PTGER4: variants seen among roughly 807,000 people sequenced by gnomAD.
PTGER4 encodes prostaglandin E2 receptor EP4 subtype.
A neutral mutation model predicts 33.2 loss-of-function variants in PTGER4; 11 were observed. That is an observed-to-expected ratio of 0.33 (90% CI 0.21 to 0.55). The LOEUF (loss-of-function observed/expected upper bound fraction) is 0.55. Among genes scored for constraint, PTGER4 ranks in the 20% least tolerant of loss-of-function variants. PTGER4 has a pLI of 0.92. For missense variants in PTGER4, 481 were observed against 650.2 expected, an observed-to-expected ratio of 0.74 and a Z score of 2.83; for synonymous variants, 275 against 281.5, an observed-to-expected ratio of 0.98 and a Z score of 0.23.
At chr5:40,708,098 A>T in the PTGER4 span, among the ~76,000 whole-genome samples, 4 of 152,370 alleles carry the variant, frequency 2.6e-5, no homozygotes, top group East Asian at 7.7e-4. Flanking sequence ...TAAAATTCAC[A>T]TCCTAACATC....
At chr5:40,699,685 G>A in the PTGER4 span, among the ~76,000 whole-genome samples, 1 of 152,078 alleles carries the variant, frequency 6.6e-6, no homozygotes, top group Non-Finnish European at 1.5e-5. Flanking sequence ...AAATGCAGTT[G>A]ATTTAGTATC....
chr5:40,697,804 A>T (rs533511235), downstream of PTGER4, among the ~76,000 whole-genome samples: 6 of 151,892 alleles, frequency 4.0e-5, no homozygotes, highest in African/African-American at 1.2e-4. Context: ...GGTGAACTAA[A>T]TTATGTGTAA....
At chr5:40,711,627 C>T in the PTGER4 span, among the ~76,000 whole-genome samples, 2 of 152,004 alleles carry the variant, frequency 1.3e-5, no homozygotes, top group Non-Finnish European at 2.9e-5. Flanking sequence ...AAACTTGAAA[C>T]AACCTAAATG....
chr5:40,734,757 G>A, the PTGER4 span, among the ~76,000 whole-genome samples: 1 of 152,162 alleles, frequency 6.6e-6, no homozygotes, highest in Non-Finnish European at 1.5e-5. Context: ...TAAGTACTAA[G>A]GATGCAGCAC....
chr5:40,708,973 A>C, the PTGER4 span, among the ~76,000 whole-genome samples: 4 of 152,218 alleles, frequency 2.6e-5, no homozygotes, highest in African/African-American at 9.6e-5. Context: ...CCTTAGACAA[A>C]ATTCAACAGC....
chr5:40,686,537 G>A (rs774671530), intron 2 of PTGER4, among the ~76,000 whole-genome samples: 20 of 152,164 alleles, frequency 1.3e-4, no homozygotes, highest in African/African-American at 2.2e-4. Context: ...TTGTACATAC[G>A]TTATAAGGGC....
chr5:40,707,918 C>T, the PTGER4 span, among the ~76,000 whole-genome samples: 452 of 152,288 alleles, frequency 3.0e-3, 5 homozygotes, highest in African/African-American at 0.01. Flanking sequence ...AAACAACCTG[C>T]TCCTGAATGA....
At chr5:40,714,901 G>C in the PTGER4 span, 1 of 152,162 alleles carries the variant, frequency 6.6e-6, no homozygotes, top group Admixed American at 6.6e-5. Context: ...CTTCCTGAGT[G>C]TCAGAAGTAA....
At chr5:40,716,175 T>C in the PTGER4 span, 1 of 1,610,948 alleles carries the variant, frequency 6.2e-7, no homozygotes, top group African/African-American at 1.3e-5. Flanking sequence ...CAGAGCCATC[T>C]GGTGGTGTAG....
rs1208292994 is a variant in PTGER4 at position 40,693,344 on chromosome 5, G to A, written c.*966G>A. 1.0e-6 allele frequency: 1 copy of A among 982,404 alleles called. No individual in the cohort carries two copies. Among genetic ancestry groups the A allele is most frequent in the Non-Finnish European group, 1.2e-6 (1 of 827,040 alleles). The allele number at this position is 982,404 out of a possible 1,614,324, so 60.9% of individuals were successfully genotyped here. Reference sequence around the variant, plus strand: ...ATTTTAAAAATCTAAGCAGCTTATTGTTTCTCTGAAAGTGTGTGTAGTTTT... The same window carrying A: ...ATTTTAAAAATCTAAGCAGCTTATTATTTCTCTGAAAGTGTGTGTAGTTTT... On this transcript the variant is annotated 3_prime_UTR_variant, in exon 3 of 3. Transcript: ENST00000302472.
At chr5:40,707,066 T>A in the PTGER4 span, among the ~76,000 whole-genome samples, 1 of 152,172 alleles carries the variant, frequency 6.6e-6, no homozygotes, top group Non-Finnish European at 1.5e-5. Context: ...TACCAGCCAC[T>A]GCAAAAACAT....
the PTGER4 span, among the ~76,000 whole-genome samples, chr5:40,745,847 A>C: frequency 6.6e-6 from 1 of 151,940 alleles, no homozygotes; most frequent in South Asian, 2.1e-4. Flanking sequence ...CGATCCTCCC[A>C]CCTTGGCCTC....
chr5:40,706,907 G>C, the PTGER4 span, among the ~76,000 whole-genome samples: 1 of 152,134 alleles, frequency 6.6e-6, no homozygotes, highest in African/African-American at 2.4e-5. Context: ...TTTCAACCCA[G>C]AATTTAATAT....
the PTGER4 span, among the ~76,000 whole-genome samples, chr5:40,722,643 T>C: frequency 6.6e-6 from 1 of 150,740 alleles, no homozygotes; most frequent in Non-Finnish European, 1.5e-5. Context: ...CTGCCCCGTC[T>C]GGGAAGTGAG....
the PTGER4 span, among the ~76,000 whole-genome samples, chr5:40,722,560 C>T: frequency 6.6e-6 from 1 of 152,102 alleles, no homozygotes; most frequent in Non-Finnish European, 1.5e-5. Flanking sequence ...TGGCCGCGAC[C>T]CCGTCTGGGA....
chr5:40,743,668 G>A, the PTGER4 span, among the ~76,000 whole-genome samples: 1 of 152,146 alleles, frequency 6.6e-6, no homozygotes, highest in African/African-American at 2.4e-5. Context: ...AGCTACCTGG[G>A]AGGCTGAGGC....
At chr5:40,738,094 G>C in the PTGER4 span, among the ~76,000 whole-genome samples, 1 of 152,088 alleles carries the variant, frequency 6.6e-6, no homozygotes, top group East Asian at 1.9e-4. Flanking sequence ...CTGTGAGATT[G>C]TACAATAAAG....
At chr5:40,746,430 T>C in the PTGER4 span, among the ~76,000 whole-genome samples, 1 of 152,178 alleles carries the variant, frequency 6.6e-6, no homozygotes, top group Non-Finnish European at 1.5e-5. Flanking sequence ...AAATGCCTAA[T>C]TTACCTGATA....
At chr5:40,699,194 G>GAA in the PTGER4 span, among the ~76,000 whole-genome samples, 1,487 of 144,552 alleles carry the variant, frequency 0.01, 10 homozygotes, top group African/African-American at 0.025. Flanking sequence ...AGATAAGTTG[G>GAA]AAAAAAAAAA....
Sources: gnomAD v4.1 joint callset for allele counts (sites outside exome capture counted in the v4.1 genomes callset) on GRCh38, gnomAD v4.1.1 for gene constraint, MANE v1.5 for transcripts, NCBI Gene and HGNC (gene_info 2026-07-23, HGNC 2026-07-21) for gene names.